Variants in CTNNA3 observed in about 807,000 individuals in gnomAD.
CTNNA3 encodes the protein catenin alpha-3.
In CTNNA3, 76 loss-of-function variants were observed where a neutral mutation model predicts 95.7. The observed-to-expected ratio is 0.79, with a 90% CI of 0.66 to 0.96. CTNNA3 has a LOEUF of 0.96. Among genes scored for constraint, CTNNA3 ranks in the 40% least tolerant of loss-of-function variants. The pLI is 0.00. For missense variants in CTNNA3, 1,191 were observed against 1,089.8 expected (o/e 1.09, Z -1.31); for synonymous variants, 431 against 374.4 (o/e 1.15, Z -1.74).
intron 12 of CTNNA3, among the ~76,000 whole-genome samples, chr10:66,325,819 A>G (rs2092247260): frequency 6.6e-6 from 1 of 152,094 alleles, no homozygotes; most frequent in East Asian, 1.9e-4. Flanking sequence ...AAAAATGAGA[A>G]CTGATTAGGT....
At chr10:66,057,190 A>C (rs899254948) in intron 15 of CTNNA3, among the ~76,000 whole-genome samples, 3 of 152,110 alleles carry the variant, frequency 2.0e-5, no homozygotes, top group Non-Finnish European at 4.4e-5. Flanking sequence ...ATTCCTCTGT[A>C]AGGTCTGAAT....
chr10:66,497,547 C>T (rs1250744115), intron 11 of CTNNA3, among the ~76,000 whole-genome samples: 4 of 151,828 alleles, frequency 2.6e-5, no homozygotes, highest in African/African-American at 9.7e-5. Context: ...TTCATTTCAC[C>T]ATATTGAGAT....
At chr10:66,600,860 C>A (rs751359829) in intron 10 of CTNNA3, among the ~76,000 whole-genome samples, 1 of 151,812 alleles carries the variant, frequency 6.6e-6, no homozygotes, top group Non-Finnish European at 1.5e-5. Context: ...TTCTTTATCA[C>A]GTCTTTTACA....
At chr10:67,401,476 C>G (rs993072565) in intron 5 of CTNNA3, among the ~76,000 whole-genome samples, 1 of 152,058 alleles carries the variant, frequency 6.6e-6, no homozygotes. Context: ...GTTAGGCACC[C>G]AATGTGGGGT....
At chr10:66,648,479 G>A (rs192195257) in intron 9 of CTNNA3, among the ~76,000 whole-genome samples, 6 of 152,274 alleles carry the variant, frequency 3.9e-5, no homozygotes, top group African/African-American at 1.4e-4. Flanking sequence ...GCTATGAATT[G>A]TAGCCATGAT....
At chr10:66,650,943 T>C (rs1845875088) in intron 9 of CTNNA3, among the ~76,000 whole-genome samples, 1 of 152,156 alleles carries the variant, frequency 6.6e-6, no homozygotes, top group Non-Finnish European at 1.5e-5. Context: ...CACCGCTGGC[T>C]CGGGCAGCCT....
At chr10:67,144,959 C>T (rs936972426) in intron 7 of CTNNA3, among the ~76,000 whole-genome samples, 2 of 152,092 alleles carry the variant, frequency 1.3e-5, no homozygotes, top group South Asian at 2.1e-4. Context: ...TTTAAAGAGA[C>T]GTGCGGCTCT....
At chr10:66,415,015 A>C (rs7088844) in intron 11 of CTNNA3, among the ~76,000 whole-genome samples, 3 of 151,882 alleles carry the variant, frequency 2.0e-5, no homozygotes, top group Non-Finnish European at 2.9e-5. Flanking sequence ...CATGCTCCCC[A>C]CCTGCTGTCC....
chr10:66,858,166 G>A (rs925532846), intron 7 of CTNNA3, among the ~76,000 whole-genome samples: 11 of 152,068 alleles, frequency 7.2e-5, no homozygotes, highest in African/African-American at 2.7e-4. Context: ...TGATTTTGTG[G>A]TATTTGTCTT....
intron 5 of CTNNA3, among the ~76,000 whole-genome samples, chr10:67,419,129 AT>A (rs2132861871): frequency 6.6e-6 from 1 of 152,300 alleles, no homozygotes; most frequent in South Asian, 2.1e-4. Context: ...TTGGTAAATT[AT>A]TCCACCTCTA....
intron 7 of CTNNA3, among the ~76,000 whole-genome samples, chr10:66,871,003 C>G (rs1457899641): frequency 1.3e-5 from 2 of 152,140 alleles, no homozygotes; most frequent in Non-Finnish European, 2.9e-5. Flanking sequence ...TTCTACATTT[C>G]AATAAAACTA....
chr10:66,982,919 C>G (rs1180981030), intron 7 of CTNNA3, among the ~76,000 whole-genome samples: 1 of 152,086 alleles, frequency 6.6e-6, no homozygotes, highest in Non-Finnish European at 1.5e-5. Context: ...ACAATGCAAG[C>G]TACATCTTAA....
intron 12 of CTNNA3, among the ~76,000 whole-genome samples, chr10:66,331,778 A>G (rs2092333902): frequency 6.6e-6 from 1 of 151,846 alleles, no homozygotes; most frequent in Non-Finnish European, 1.5e-5. Context: ...TTGACTTGGC[A>G]ATGCGGGCTC....
chr10:66,346,557 G>A (rs570352566), intron 12 of CTNNA3, among the ~76,000 whole-genome samples: 1 of 152,090 alleles, frequency 6.6e-6, no homozygotes, highest in Admixed American at 6.5e-5. Flanking sequence ...GATTACAGGC[G>A]TGAGCCACCG....
chr10:67,282,867 C>T (rs568209921), intron 5 of CTNNA3, among the ~76,000 whole-genome samples: 8 of 152,216 alleles, frequency 5.3e-5, no homozygotes, highest in Admixed American at 2.6e-4. Context: ...CCCATTCTCC[C>T]GCAAGGCTAG....
intron 7 of CTNNA3, among the ~76,000 whole-genome samples, chr10:66,992,224 G>A (rs1851081255): frequency 6.6e-6 from 1 of 152,122 alleles, no homozygotes; most frequent in Admixed American, 6.5e-5. Flanking sequence ...GCTGTGAGAT[G>A]CAATTTTATT....
In CTNNA3 at chr10:67,462,311, T is replaced by A. The variant is rs116222828; in HGVS notation, c.579+59531A>T. ...CTGTAAGTCAGCACCTTGTTACTAC[T>A]CAACATTCAGGTAATTAATATCCTC... is the stretch of plus-strand genomic sequence containing the variant. On this transcript the variant is annotated intron_variant, in intron 5 of 17. Coordinates refer to ENST00000433211, the MANE Select transcript of CTNNA3 (RefSeq NM_013266.4). Among the ~76,000 whole-genome samples the A allele has an allele frequency of 5.9e-3, 902 of 152,310 alleles. 9 individuals are homozygous for A. Among genetic ancestry groups the A allele is most frequent in the African/African-American group, 0.02 (852 of 41,566 alleles).
intron 7 of CTNNA3, among the ~76,000 whole-genome samples, chr10:66,831,941 T>A (rs146984428): frequency 2.4e-4 from 37 of 152,188 alleles, no homozygotes; most frequent in African/African-American, 8.2e-4. Flanking sequence ...GACAAGGAAT[T>A]CAATTGTATG....
rs186239483 is a variant in CTNNA3 at position 66,160,188 on chromosome 10, T to G, written c.1885-56939A>C. Among the ~76,000 whole-genome samples, 404 of 152,070 alleles carry G rather than the reference T, an allele frequency of 2.7e-3. 10 individuals carry two copies. The highest frequency in any genetic ancestry group is 5.9e-4 in the Non-Finnish European group (40 of 67,916). ...TGTTTCAATTTCATTTAGTTCTGCT[T>G]GGAACTTCGTTATTTCCTTTCTTCT... On this transcript the variant is annotated intron_variant, in intron 13 of 17. Coordinates refer to ENST00000433211, the MANE Select transcript of CTNNA3 (RefSeq NM_013266.4).
Sources: allele counts gnomAD v4.1 joint callset (sites outside exome capture counted in the v4.1 genomes callset), GRCh38; gene constraint gnomAD v4.1.1; transcripts MANE v1.5; gene names NCBI Gene and HGNC (gene_info 2026-07-23, HGNC 2026-07-21).